Variants in PPFIBP1 observed in about 807,000 individuals in gnomAD.
The protein encoded by PPFIBP1 is liprin-beta-1.
Under a neutral mutation model 137.8 loss-of-function variants are expected in PPFIBP1, and 112 were observed. The observed-to-expected ratio is 0.81, with a 90% CI of 0.70 to 0.95. The LOEUF (loss-of-function observed/expected upper bound fraction) is 0.95, where lower values mean the gene tolerates loss of function less well. PPFIBP1 is among the 40% of genes least tolerant of loss of function. PPFIBP1 has a pLI of 0.00. For missense variants in PPFIBP1, 1,083 were observed against 1,196.6 expected (o/e 0.91, Z 1.40); for synonymous variants, 378 against 417.3 (o/e 0.91, Z 1.15).
intron 1 of PPFIBP1, among the ~76,000 whole-genome samples, chr12:27,559,609 AG>A (rs2136351016): frequency 6.6e-6 from 1 of 152,356 alleles, no homozygotes; most frequent in East Asian, 1.9e-4. Flanking sequence ...CTAAGGTTTC[AG>A]GAATGTAATG....
intron 1 of PPFIBP1, among the ~76,000 whole-genome samples, chr12:27,530,724 A>T (rs574494110): frequency 3.3e-5 from 5 of 152,208 alleles, no homozygotes; most frequent in Non-Finnish European, 7.4e-5. Context: ...CAGTGACAGT[A>T]GTCCTGGCTG....
chr12:27,558,192 C>T (rs80013655), intron 1 of PPFIBP1, among the ~76,000 whole-genome samples: 1 of 151,672 alleles, frequency 6.6e-6, no homozygotes, highest in African/African-American at 2.4e-5. Context: ...TTTACAAATG[C>T]TTTATTAGTA....
At chr12:27,621,351 T>G (rs2056326695) in intron 2 of PPFIBP1, among the ~76,000 whole-genome samples, 2 of 152,238 alleles carry the variant, frequency 1.3e-5, no homozygotes, top group Admixed American at 1.3e-4. Flanking sequence ...TGGCTTTACT[T>G]TCCTCCTTCT....
chr12:27,561,083 A>G (rs1291735433), intron 1 of PPFIBP1, among the ~76,000 whole-genome samples: 4 of 152,316 alleles, frequency 2.6e-5, no homozygotes, highest in Admixed American at 2.6e-4. Context: ...AAAGCCAGAG[A>G]CATGTATACC....
At chr12:27,565,965 G>T (rs951692118) in intron 1 of PPFIBP1, among the ~76,000 whole-genome samples, 5 of 150,956 alleles carry the variant, frequency 3.3e-5, no homozygotes, top group South Asian at 2.1e-4. Context: ...TTTTTTCCTG[G>T]TTTTTCCTAG....
intron 11 of PPFIBP1, among the ~76,000 whole-genome samples, chr12:27,663,402 A>G (rs1400330443): frequency 2.0e-5 from 3 of 152,194 alleles, no homozygotes; most frequent in Non-Finnish European, 2.9e-5. Context: ...TTATAGTCCA[A>G]GAAGATAATG....
At chr12:27,687,203 A>T (rs1007009648) in intron 24 of PPFIBP1, among the ~76,000 whole-genome samples, 182 bp from the exon 25 acceptor site, 2 of 152,216 alleles carry the variant, frequency 1.3e-5, no homozygotes, top group Non-Finnish European at 2.9e-5. Context: ...TTGGCAAAAA[A>T]TACTAATCTG....
intron 27 of PPFIBP1, among the ~76,000 whole-genome samples, chr12:27,690,292 G>T (rs1400900722): frequency 6.6e-6 from 1 of 152,100 alleles, no homozygotes; most frequent in East Asian, 1.9e-4. Flanking sequence ...GTATACATGG[G>T]GGTCTTGGAA....
chr12:27,651,911 C>T (rs2058899279), intron 7 of PPFIBP1, among the ~76,000 whole-genome samples: 1 of 152,130 alleles, frequency 6.6e-6, no homozygotes, highest in Non-Finnish European at 1.5e-5. Context: ...TTCACTCATG[C>T]ACTCTCAATC....
chr12:27,534,452 A>G lies in PPFIBP1; in HGVS notation c.-124+10087A>G, dbSNP rs551409193. On this transcript the variant is annotated intron_variant, in intron 1 of 29. Transcript: ENST00000228425. ...TGGGGATTATTGTCATGGAGGAAAA[A>G]TTTGAAAGAATGACAGAAGTCTCTC... Among the ~76,000 whole-genome samples the G allele has an allele frequency of 1.6e-4, 25 of 152,292 alleles. No individual in the cohort carries two copies. In the East Asian group the frequency reaches 2.9e-3, roughly 18 times the overall value.
At chr12:27,685,290 C>T (rs1399305626) in intron 24 of PPFIBP1, among the ~76,000 whole-genome samples, 1 of 151,652 alleles carries the variant, frequency 6.6e-6, no homozygotes, top group African/African-American at 2.4e-5. Context: ...CATATACACA[C>T]ACACACACAC....
chr12:27,655,678 G>A (rs1037846965), intron 8 of PPFIBP1, among the ~76,000 whole-genome samples: 12 of 152,280 alleles, frequency 7.9e-5, no homozygotes, highest in African/African-American at 2.9e-4. Flanking sequence ...CACACTTCCT[G>A]CCAGTGCTAC....
chr12:27,535,421 T>C (rs1944884732), intron 1 of PPFIBP1, among the ~76,000 whole-genome samples: 1 of 152,192 alleles, frequency 6.6e-6, no homozygotes, highest in Non-Finnish European at 1.5e-5. Flanking sequence ...TTTTGTTTTG[T>C]TTTGTTTTTT....
At chr12:27,608,469 C>T (rs766048912) in intron 2 of PPFIBP1, among the ~76,000 whole-genome samples, 2 of 152,124 alleles carry the variant, frequency 1.3e-5, no homozygotes, top group African/African-American at 2.4e-5. Flanking sequence ...AGCGGACTCC[C>T]AAGACAGTCA....
rs372813437 is a variant in PPFIBP1, at chr12:27,654,703, C to A, written c.604-19C>A. The A allele has an allele frequency of 1.2e-5, 20 of 1,604,844 alleles. No individual in the cohort carries two copies. In the African/African-American group the frequency reaches 2.7e-4, roughly 22 times the overall value. Reference sequence around the variant, plus strand: ...TGTTACCACTTTCCTAATGTACTTTCTTGTTTCTTCTTGGACAGGGGCTGA... The same window carrying A: ...TGTTACCACTTTCCTAATGTACTTTATTGTTTCTTCTTGGACAGGGGCTGA... On this transcript the variant is annotated intron_variant, in intron 7 of 29. Transcript: ENST00000228425.
chr12:27,612,822 G>T (rs2055290441), intron 2 of PPFIBP1, among the ~76,000 whole-genome samples: 1 of 152,054 alleles, frequency 6.6e-6, no homozygotes, highest in Non-Finnish European at 1.5e-5. Context: ...TATTAAATGG[G>T]TCAAATTTTG....
intron 2 of PPFIBP1, among the ~76,000 whole-genome samples, chr12:27,594,509 T>C (rs1181499743): frequency 6.6e-6 from 1 of 152,086 alleles, no homozygotes; most frequent in Non-Finnish European, 1.5e-5. Flanking sequence ...ACTACCCCAT[T>C]TAGATTGAAG....
chr12:27,590,706 C>A (rs1334174585), intron 2 of PPFIBP1, among the ~76,000 whole-genome samples: 1 of 152,114 alleles, frequency 6.6e-6, no homozygotes, highest in Non-Finnish European at 1.5e-5. Flanking sequence ...GGATGAGTTT[C>A]CCAGGCAGTC....
chr12:27,616,644 A>G lies in PPFIBP1; in HGVS notation c.-35-16718A>G, dbSNP rs1381872723. On this transcript the variant is annotated intron_variant, in intron 2 of 29. Transcript: ENST00000228425. ...AGGAATGGAAGAGATTGAAGATGTA[A>G]AAGAGTGAAGGAATAATTGTCTGAA... Among the ~76,000 whole-genome samples the G allele has an allele frequency of 2.0e-5, 3 of 152,204 alleles. No individual in the cohort carries two copies. In the East Asian group the frequency reaches 5.8e-4, roughly 29 times the overall value.
Sources: allele counts gnomAD v4.1 joint callset (sites outside exome capture counted in the v4.1 genomes callset), GRCh38; gene constraint gnomAD v4.1.1; transcripts MANE v1.5; gene names NCBI Gene and HGNC (gene_info 2026-07-23, HGNC 2026-07-21).